Variants in LDB2 observed in about 807,000 individuals in gnomAD.
LDB2 encodes the protein LIM domain binding 2.
Under a neutral mutation model 44.3 loss-of-function variants are expected in LDB2, and 12 were observed. The observed-to-expected ratio is 0.27, with a 90% CI of 0.17 to 0.44. The LOEUF is 0.44. Among genes scored for constraint, LDB2 ranks in the 20% least tolerant of loss-of-function variants. The pLI is 1.00. For synonymous variants in LDB2, 164 were observed against 174.8 expected (o/e 0.94, Z 0.49); for missense variants, 344 against 473.5 (o/e 0.73, Z 2.54).
chr4:16,726,327 G>T (rs1759450865), intron 2 of LDB2: 1 of 152,076 alleles, frequency 6.6e-6, no homozygotes, highest in South Asian at 2.1e-4. Context: ...TGAGTCTTGG[G>T]TTCTTACCTC....
intron 3 of LDB2, among the ~76,000 whole-genome samples, chr4:16,590,077 A>G (rs1405085790): frequency 6.6e-6 from 1 of 152,238 alleles, no homozygotes; most frequent in Non-Finnish European, 1.5e-5. Context: ...ACAAAGCGCT[A>G]GACCAGTAAT....
At chr4:16,895,165 C>A (rs1724603624) in intron 1 of LDB2, among the ~76,000 whole-genome samples, 2 of 146,876 alleles carry the variant, frequency 1.4e-5, no homozygotes, top group South Asian at 2.2e-4. Flanking sequence ...ATTAAAGGGA[C>A]ACTGTTGGTA....
chr4:16,896,293 A>C (rs114526919), intron 1 of LDB2, among the ~76,000 whole-genome samples: 1,884 of 152,304 alleles, frequency 0.012, 14 homozygotes, highest in Middle Eastern at 0.034. Flanking sequence ...GGAATTCCTG[A>C]GTTTAGCTCT....
chr4:16,879,014 A>G (rs888887717), intron 1 of LDB2, among the ~76,000 whole-genome samples: 1 of 152,222 alleles, frequency 6.6e-6, no homozygotes, highest in African/African-American at 2.4e-5. Flanking sequence ...TTTAGTTAGT[A>G]TGAGTTTTTA....
intron 1 of LDB2, among the ~76,000 whole-genome samples, chr4:16,796,500 T>C (rs1776773825): frequency 6.6e-6 from 1 of 151,954 alleles, no homozygotes; most frequent in Non-Finnish European, 1.5e-5. Context: ...ACATACATGG[T>C]TGAATAAATA....
chr4:16,671,632 T>C (rs1744791597), intron 2 of LDB2, among the ~76,000 whole-genome samples: 1 of 152,100 alleles, frequency 6.6e-6, no homozygotes, highest in South Asian at 2.1e-4. Flanking sequence ...GATGGGAACT[T>C]GGACACAGAA....
At chr4:16,557,090 G>A (rs1739910153) in intron 5 of LDB2, among the ~76,000 whole-genome samples, 1 of 152,152 alleles carries the variant, frequency 6.6e-6, no homozygotes, top group Non-Finnish European at 1.5e-5. Context: ...GATATAGGAG[G>A]ACAGCCAAGA....
chr4:16,752,764 G>A (rs1044157708), intron 2 of LDB2, among the ~76,000 whole-genome samples: 11 of 152,132 alleles, frequency 7.2e-5, no homozygotes, highest in African/African-American at 2.7e-4. Flanking sequence ...GGTAGTTTAA[G>A]CAACATGTCT....
At chr4:16,861,543 G>T (rs1158254318) in intron 1 of LDB2, among the ~76,000 whole-genome samples, 1 of 152,108 alleles carries the variant, frequency 6.6e-6, no homozygotes, top group Non-Finnish European at 1.5e-5. Context: ...ACCAAAGCCT[G>T]GCTTAGACTT....
chr4:16,508,818 T>G, intron 6 of LDB2, 132 bp from the exon 7 acceptor site: 1 of 842,282 alleles, frequency 1.2e-6, no homozygotes, highest in Non-Finnish European at 1.7e-6. Flanking sequence ...CCATTTCTTA[T>G]AGCTTTAGAA....
intron 2 of LDB2, among the ~76,000 whole-genome samples, chr4:16,712,563 A>C (rs1465360573): frequency 1.3e-5 from 2 of 152,170 alleles, no homozygotes; most frequent in Non-Finnish European, 2.9e-5. Flanking sequence ...AAAAAAACAA[A>C]AAGAAAAGAA....
chr4:16,577,183 C>A (rs1712009054), intron 5 of LDB2, among the ~76,000 whole-genome samples: 1 of 152,044 alleles, frequency 6.6e-6, no homozygotes, highest in Admixed American at 6.5e-5. Context: ...ACAAGGATGC[C>A]CACTATTATC....
In LDB2 at chr4:16,874,744, A is replaced by G. The variant is rs192427296; in HGVS notation, c.132+23610T>C. Among the ~76,000 whole-genome samples, 233 of 152,334 alleles carry G rather than the reference A, an allele frequency of 1.5e-3. 3 individuals carry two copies. The highest frequency in any genetic ancestry group is 4.7e-4 in the Non-Finnish European group (32 of 68,034). On this transcript the variant is annotated intron_variant, in intron 1 of 7. Coordinates refer to ENST00000304523, the MANE Select transcript of LDB2 (RefSeq NM_001290.5). ...CTCACCAACATCCTTGGTGGCACAA[A>G]GGTTATACTACGTGGAAAATCGTGG...
chr4:16,897,606 T>A (rs566191852), intron 1 of LDB2, among the ~76,000 whole-genome samples: 1 of 152,088 alleles, frequency 6.6e-6, no homozygotes, highest in African/African-American at 2.4e-5. Context: ...AGGCACAAGA[T>A]CTCAAATATG....
At chr4:16,734,216 TA>T (rs36015304) in intron 2 of LDB2, among the ~76,000 whole-genome samples, 1 of 152,154 alleles carries the variant, frequency 6.6e-6, no homozygotes, top group African/African-American at 2.4e-5. Flanking sequence ...TGATGGCTAA[TA>T]AAAAAATGGC....
chr4:16,709,111 C>CTTTGCCCAGTGCCTA lies in LDB2; in HGVS notation c.235+50046_235+50047insTAGGCACTGGGCAAA, dbSNP rs1215089664. ...AAGCTGTCTATTCTATCACCGAATT[C>CTTTGCCCAGTGCCTA]TCATTTCTTTGCCCAGTGCCTAGCT... On this transcript the variant is annotated intron_variant, in intron 2 of 7. Transcript: ENST00000304523. 2.0e-5 allele frequency among the ~76,000 whole-genome samples: 3 copies of CTTTGCCCAGTGCCTA among 152,042 alleles called. No individual in the cohort carries two copies. The East Asian group carries it at 5.8e-4, about 29-fold the overall frequency.
chr4:16,608,335 T>A (rs944014813), intron 2 of LDB2, among the ~76,000 whole-genome samples: 1 of 151,498 alleles, frequency 6.6e-6, no homozygotes, highest in African/African-American at 2.4e-5. Context: ...TCCTCGGGAG[T>A]CCACAGGGGG....
chr4:16,741,420 G>A (rs1018609078), intron 2 of LDB2: 6 of 152,296 alleles, frequency 3.9e-5, no homozygotes, highest in African/African-American at 1.2e-4. Context: ...ATGACCACGC[G>A]CTATGAAAGC....
chr4:16,797,170 C>G (rs528421578), intron 1 of LDB2, among the ~76,000 whole-genome samples: 80 of 152,240 alleles, frequency 5.3e-4, no homozygotes, highest in Non-Finnish European at 9.6e-4. Context: ...ACCACATAGA[C>G]GAAAAGGTCA....
Sources: allele counts gnomAD v4.1 joint callset (sites outside exome capture counted in the v4.1 genomes callset), GRCh38; gene constraint gnomAD v4.1.1; transcripts MANE v1.5; gene names NCBI Gene and HGNC (gene_info 2026-07-23, HGNC 2026-07-21).